The following KATNIP variants were observed in gnomAD, a reference collection of about 807,000 sequenced individuals.
KATNIP encodes the protein katanin-interacting protein.
A neutral mutation model predicts 174.0 loss-of-function variants in KATNIP; 126 were observed. That is an observed-to-expected ratio of 0.72 (90% CI 0.63 to 0.84). The LOEUF is 0.84. Ranked by LOEUF, KATNIP falls within the 40% of genes least tolerant of loss-of-function variation. KATNIP has a pLI of 0.00. For missense variants in KATNIP, 1,958 were observed against 2,109.7 expected (o/e 0.93, Z 1.41); for synonymous variants, 810 against 835.7 (o/e 0.97, Z 0.53).
chr16:27,550,211 C>A, intron 1 of KATNIP, 34 bp downstream of exon 1: 1 of 1,603,696 alleles, frequency 6.2e-7, no homozygotes, highest in Non-Finnish European at 8.5e-7. Context: ...GGAGGTCGGG[C>A]TGTTATTCTC....
At chr16:27,583,091 G>A (rs566613544) in intron 2 of KATNIP, among the ~76,000 whole-genome samples, 1 of 152,240 alleles carries the variant, frequency 6.6e-6, no homozygotes, top group African/African-American at 2.4e-5. Context: ...CAACAACAGG[G>A]CCAAGACTCC....
chr16:27,756,715 G>T (rs886923090), intron 18 of KATNIP, among the ~76,000 whole-genome samples: 2 of 152,108 alleles, frequency 1.3e-5, no homozygotes, highest in Admixed American at 1.3e-4. Context: ...TTTGGCAGGG[G>T]ATGAATAATG....
intron 1 of KATNIP, among the ~76,000 whole-genome samples, chr16:27,555,559 G>A (rs745518062): frequency 1.3e-5 from 2 of 152,206 alleles, no homozygotes; most frequent in Non-Finnish European, 2.9e-5. Context: ...TCCTGGCTGG[G>A]CGCGGTGGCT....
At position 27,653,106 on chromosome 16, in the gene KATNIP, C is replaced by G. The variant is rs74325831; in HGVS notation, c.540+4371C>G. Among the ~76,000 whole-genome samples, 3 of 152,166 alleles carry G rather than the reference C, an allele frequency of 2.0e-5. No homozygotes were observed. The South Asian group carries it at 6.2e-4, about 32-fold the overall frequency. ...GTGAGTAGATGGGTAGATAACCATC[C>G]GGACTAAAAATGGCATATTTCATTA... On this transcript the variant is annotated intron_variant, in intron 6 of 27. Coordinates refer to ENST00000261588, the MANE Select transcript of KATNIP (RefSeq NM_015202.5).
At chr16:27,710,529 T>A (rs527646508) in intron 13 of KATNIP, among the ~76,000 whole-genome samples, 1 of 152,228 alleles carries the variant, frequency 6.6e-6, no homozygotes, top group East Asian at 1.9e-4. Context: ...TTCACAATTA[T>A]CTCCTCGGAG....
In KATNIP at chr16:27,678,632, A is replaced by G. The variant is rs185713204; in HGVS notation, c.808+636A>G. 2.0e-5 allele frequency among the ~76,000 whole-genome samples: 3 copies of G among 152,300 alleles called. No individual in the cohort carries two copies. In the East Asian group the frequency reaches 5.8e-4, roughly 29 times the overall value. On this transcript the variant is annotated intron_variant, in intron 7 of 27. Transcript: ENST00000261588. ...CCAAAAGGCCCAGCAAAAGTCCCAG[A>G]CCTGGTTCTCCAACCCACACGGGGT... is the stretch of plus-strand genomic sequence containing the variant.
chr16:27,729,255 C>T (rs2080568254), intron 14 of KATNIP, among the ~76,000 whole-genome samples: 2 of 152,166 alleles, frequency 1.3e-5, no homozygotes, highest in Admixed American at 6.5e-5. Flanking sequence ...CTGTGCTGGC[C>T]TCATCCTCAG....
chr16:27,748,249 C>T (rs2081365425), intron 15 of KATNIP, among the ~76,000 whole-genome samples: 1 of 152,206 alleles, frequency 6.6e-6, no homozygotes, highest in Non-Finnish European at 1.5e-5. Context: ...CAAGTAAATT[C>T]CTTACCTTAT....
Position 27,749,904 on chromosome 16 carries a change from A to G in KATNIP, c.2944A>G (p.Lys982Glu), listed in dbSNP as rs1349566523. 4.3e-6 allele frequency: 7 copies of G among 1,614,180 alleles called. No homozygotes were observed. The highest frequency in any genetic ancestry group is 5.9e-6 in the Non-Finnish European group (7 of 1,180,020). Residue 982 changes from lysine to glutamate, a missense_variant, in exon 16 of 28, where the codon AAG (lysine) becomes GAG (glutamate). Transcript: ENST00000261588. ...PYGQRLVIDI[K>E]STWGDRHYVG... ...TGGACAGCGCTTGGTCATTGACATC[A>G]AGTCTACCTGGGGGGACAGACACTA...
chr16:27,579,722 T>C (rs552264488), intron 2 of KATNIP, among the ~76,000 whole-genome samples: 1 of 152,218 alleles, frequency 6.6e-6, no homozygotes, highest in South Asian at 2.1e-4. Flanking sequence ...AGGCCGTTTT[T>C]GCAGTTGATT....
At chr16:27,700,104 G>A (rs2079047662) in intron 10 of KATNIP, among the ~76,000 whole-genome samples, 1 of 151,752 alleles carries the variant, frequency 6.6e-6, no homozygotes, top group Non-Finnish European at 1.5e-5. Context: ...TAGAGACAAG[G>A]TTTCATCATG....
chr16:27,614,950 G>A (rs1393210957), intron 2 of KATNIP, among the ~76,000 whole-genome samples: 2 of 152,162 alleles, frequency 1.3e-5, no homozygotes, highest in Non-Finnish European at 2.9e-5. Flanking sequence ...TGTAATTGGA[G>A]GGAGAAGTGA....
At position 27,580,244 on chromosome 16, in the gene KATNIP, T is replaced by G. The variant is rs144025854; in HGVS notation, c.63+6288T>G. ...CCTCCCACCTCAGCCTCTTGAGTAGTGGAGACCACAGGTGTGCACCACCAG... is the reference window on the plus strand; with the variant it reads ...CCTCCCACCTCAGCCTCTTGAGTAGGGGAGACCACAGGTGTGCACCACCAG... On this transcript the variant is annotated intron_variant, in intron 2 of 27. Coordinates refer to ENST00000261588, the MANE Select transcript of KATNIP (RefSeq NM_015202.5). Among the ~76,000 whole-genome samples the G allele has an allele frequency of 7.2e-3, 1,096 of 152,280 alleles. 21 individuals carry two copies. Among genetic ancestry groups the G allele is most frequent in the African/African-American group, 0.025 (1,034 of 41,540 alleles).
At chr16:27,761,268 C>G in intron 18 of KATNIP, 145 bp from the exon 19 acceptor site, 2 of 786,786 alleles carry the variant, frequency 2.5e-6, no homozygotes, top group Non-Finnish European at 3.9e-6. Flanking sequence ...AGAGGAAAGC[C>G]ACAGAGCCCA....
chr16:27,748,583 C>T (rs2081375774), intron 15 of KATNIP, among the ~76,000 whole-genome samples: 1 of 151,968 alleles, frequency 6.6e-6, no homozygotes, highest in African/African-American at 2.4e-5. Flanking sequence ...AGAGTGAGAC[C>T]CTGTCTCAAT....
intron 8 of KATNIP, among the ~76,000 whole-genome samples, chr16:27,688,651 G>A (rs1309782255): frequency 6.6e-6 from 1 of 152,224 alleles, no homozygotes. Context: ...CTGCTTCAGT[G>A]TGTCTGAGGT....
rs1357007972 is a variant in KATNIP at position 27,776,154 on chromosome 16, T to G, written c.4450-774T>G. On this transcript the variant is annotated intron_variant, in intron 24 of 27. Coordinates refer to ENST00000261588, the MANE Select transcript of KATNIP (RefSeq NM_015202.5). The surrounding 1 kb of genome is among the most constrained non-coding windows in gnomAD (Gnocchi z 4.7). The stretch of plus-strand genomic sequence containing the variant: ...CTCACCCTGACCTTTATTGTTTCCA[T>G]GGTCCAGCCAGGAGGCTGGCCCTAC... 6.6e-6 allele frequency among the ~76,000 whole-genome samples: 1 copy of G among 152,176 alleles called. No individual in the cohort carries two copies. Among genetic ancestry groups the G allele is most frequent in the Non-Finnish European group, 1.5e-5 (1 of 68,034 alleles).
intron 1 of KATNIP, among the ~76,000 whole-genome samples, chr16:27,568,966 C>T (rs1048386991): frequency 1.2e-4 from 19 of 152,048 alleles, no homozygotes; most frequent in African/African-American, 4.6e-4. Flanking sequence ...TCCCCTCCCA[C>T]CTGAAGAGGA....
intron 8 of KATNIP, among the ~76,000 whole-genome samples, chr16:27,692,768 T>G (rs1311415815): frequency 6.6e-6 from 1 of 152,180 alleles, no homozygotes; most frequent in African/African-American, 2.4e-5. Flanking sequence ...TGTCTCTGCT[T>G]TGTGACTACA....
Sources: allele counts gnomAD v4.1 joint callset (sites outside exome capture counted in the v4.1 genomes callset), GRCh38; gene constraint gnomAD v4.1.1; non-coding constraint Gnocchi (gnomAD v3.1); transcripts MANE v1.5; gene names NCBI Gene and HGNC (gene_info 2026-07-23, HGNC 2026-07-21).